FAXC: variants seen among roughly 807,000 people sequenced by gnomAD.
The protein encoded by FAXC is failed axon connections homolog.
FAXC carries 10 observed loss-of-function variants against 41.9 expected under a neutral mutation model. The observed-to-expected ratio is 0.24, with a 90% CI of 0.15 to 0.41. The LOEUF (loss-of-function observed/expected upper bound fraction) is 0.41, where lower values mean the gene tolerates loss of function less well. Among genes scored for constraint, FAXC ranks in the 10% least tolerant of loss-of-function variants. The pLI is 1.00. For synonymous variants in FAXC, 183 were observed against 183.8 expected (o/e 1.00, Z 0.03); for missense variants, 399 against 510.9 (o/e 0.78, Z 2.11).
chr6:99,275,078 A>C lies in FAXC; in HGVS notation c.*6086T>G, dbSNP rs1032018636. ...GGTAACTAAAAACAAAAAAGGTATT[A>C]AATAAGGAAAAAAGCTTAAGCATTA... is the stretch of plus-strand genomic sequence containing the variant. On this transcript the variant is annotated 3_prime_UTR_variant, in exon 6 of 6. Transcript: ENST00000389677. 4 of 152,228 alleles carry C rather than the reference A, an allele frequency of 2.6e-5. No homozygotes were observed. The highest frequency in any genetic ancestry group is 4.4e-5 in the Non-Finnish European group (3 of 68,040). The allele number at this position is 152,228 out of a possible 1,614,324, so 9.4% of individuals were successfully genotyped here. A position where few individuals can be genotyped will look rare whatever the true frequency, so the allele number is the denominator to read the frequency against.
chr6:99,313,516 AT>A (rs1562168099), intron 4 of FAXC, among the ~76,000 whole-genome samples: 2 of 152,006 alleles, frequency 1.3e-5, no homozygotes, highest in African/African-American at 2.4e-5. Flanking sequence ...AAATATGGCA[AT>A]TTTTTTATAT....
rs140906138 is a variant in FAXC at position 99,288,887 on chromosome 6, G to C, written c.940+2817C>G. Among the ~76,000 whole-genome samples the C allele has an allele frequency of 1.5e-3, 32 of 20,950 alleles. 1 individual carries two copies. Among genetic ancestry groups the C allele is most frequent in the East Asian group, 3.8e-3 (3 of 790 alleles). 13.7% of individuals were successfully genotyped at this position (20,950 alleles called of 152,430 possible). A position where few individuals can be genotyped will look rare whatever the true frequency, so the allele number is the denominator to read the frequency against. ...ACACACACACACACACACACACACA[G>C]AGCTGCAGGCTCCACCACTTCCCCA... On this transcript the variant is annotated intron_variant, in intron 5 of 5. Transcript: ENST00000389677.
rs1582604578 is a variant in FAXC, at chr6:99,278,534, A to G, written c.*2630T>C. ...TTCCTATAATTAGCACCTGTTCATG[A>G]AATTGGAGAACATTTCAAATCTGGG... On this transcript the variant is annotated 3_prime_UTR_variant, in exon 6 of 6. Transcript: ENST00000389677. The G allele has an allele frequency of 6.6e-6, 1 of 152,340 alleles. No homozygotes were observed. The highest frequency in any genetic ancestry group is 1.9e-4 in the East Asian group (1 of 5,182). 9.4% of individuals were successfully genotyped at this position (152,340 alleles called of 1,614,324 possible). A position where few individuals can be genotyped will look rare whatever the true frequency, so the allele number is the denominator to read the frequency against.
chr6:99,292,586 G>A (rs1582625875), intron 4 of FAXC, among the ~76,000 whole-genome samples: 1 of 152,208 alleles, frequency 6.6e-6, no homozygotes, highest in Non-Finnish European at 1.5e-5. Flanking sequence ...AGGGGAGATG[G>A]AGCTGCCTAG....
intron 1 of FAXC, 29 bp downstream of exon 1, chr6:99,349,078 C>G: frequency 6.2e-7 from 1 of 1,607,698 alleles, no homozygotes; most frequent in Non-Finnish European, 8.5e-7. Flanking sequence ...CTCTCTGCGC[C>G]CCTGTGCGGG....
chr6:99,288,341 A>T (rs1014178422), intron 5 of FAXC, among the ~76,000 whole-genome samples: 4 of 152,068 alleles, frequency 2.6e-5, no homozygotes, highest in African/African-American at 9.7e-5. Context: ...TGTACAAGTG[A>T]GTGTGTGGGG....
chr6:99,349,091 CCT>C lies in FAXC; in HGVS notation c.266+14_266+15del. On this transcript the variant is annotated intron_variant, in intron 1 of 5. Coordinates refer to ENST00000389677, the MANE Select transcript of FAXC (RefSeq NM_032511.4). ...CCCTCTCTGCGCCCCTGTGCGGGGCCCTCTCTCCGGCTCACCTAATGACCAGG... is the reference window on the plus strand; with the variant it reads ...CCCTCTCTGCGCCCCTGTGCGGGGCCCTCTCCGGCTCACCTAATGACCAGG... 1 of 1,612,186 alleles carries C rather than the reference CCT, an allele frequency of 6.2e-7. No homozygotes were observed. The highest frequency in any genetic ancestry group is 2.2e-5 in the East Asian group (1 of 44,838).
intron 5 of FAXC, among the ~76,000 whole-genome samples, chr6:99,291,097 A>G (rs1771221645): frequency 6.6e-6 from 1 of 152,220 alleles, no homozygotes; most frequent in Non-Finnish European, 1.5e-5. Flanking sequence ...GACGTGAGCC[A>G]CTGCATCCGG....
chr6:99,316,344 C>A (rs1042916398), intron 4 of FAXC, among the ~76,000 whole-genome samples: 1 of 152,186 alleles, frequency 6.6e-6, no homozygotes, highest in African/African-American at 2.4e-5. Context: ...GCACACTCCC[C>A]AGAGGGTAGC....
chr6:99,324,252 T>C (rs1348608221), intron 3 of FAXC, among the ~76,000 whole-genome samples: 2 of 151,728 alleles, frequency 1.3e-5, no homozygotes, highest in Admixed American at 1.3e-4. Flanking sequence ...TAAAAAAAGA[T>C]ACAGGGTCTT....
At chr6:99,339,085 C>G (rs1479918608) in intron 2 of FAXC, among the ~76,000 whole-genome samples, 1 of 152,224 alleles carries the variant, frequency 6.6e-6, no homozygotes, top group Non-Finnish European at 1.5e-5. Context: ...CTCTTCTCTA[C>G]AGAAGCTATC....
upstream of FAXC, chr6:99,349,746 C>T (rs1018831540): frequency 6.6e-6 from 1 of 152,032 alleles, no homozygotes; most frequent in African/African-American, 2.4e-5. Flanking sequence ...GCCCTGCCCC[C>T]TCCCCGCATC....
chr6:99,341,214 G>A (rs1481552715), intron 2 of FAXC, among the ~76,000 whole-genome samples: 1 of 151,202 alleles, frequency 6.6e-6, no homozygotes, highest in Non-Finnish European at 1.5e-5. Flanking sequence ...TAGAAAGCAG[G>A]AAATGAGAAG....
chr6:99,349,510 C>A lies in FAXC; in HGVS notation c.-138G>T. 1 of 533,668 alleles carries A rather than the reference C, an allele frequency of 1.9e-6. No individual in the cohort carries two copies. The highest frequency in any genetic ancestry group is 2.4e-6 in the Non-Finnish European group (1 of 419,960). The allele number at this position is 533,668 out of a possible 1,614,324, so 33.1% of individuals were successfully genotyped here. ...GCGGCGGCGACTGAGGAGGCGGCGG[C>A]GACTGAGGAGGCGGCGGCAGAGGAG... On this transcript the variant is annotated 5_prime_UTR_variant, in exon 1 of 6. Coordinates refer to ENST00000389677, the MANE Select transcript of FAXC (RefSeq NM_032511.4).
At position 99,277,213 on chromosome 6, in the gene FAXC, G is replaced by C. The variant is rs1770659990; in HGVS notation, c.*3951C>G. 6.6e-6 allele frequency: 1 copy of C among 152,310 alleles called. No homozygotes were observed. Among genetic ancestry groups the C allele is most frequent in the Admixed American group, 6.5e-5 (1 of 15,270 alleles). 9.4% of individuals were successfully genotyped at this position (152,310 alleles called of 1,614,324 possible). ...AAGGTGAACAAAGGTGAAAACACCA[G>C]ACCCTAAGGAGTAGCCCCTCACCCT... is the stretch of plus-strand genomic sequence containing the variant. On this transcript the variant is annotated 3_prime_UTR_variant, in exon 6 of 6. Coordinates refer to ENST00000389677, the MANE Select transcript of FAXC (RefSeq NM_032511.4).
intron 4 of FAXC, among the ~76,000 whole-genome samples, chr6:99,300,541 A>G (rs1233034387): frequency 1.3e-5 from 2 of 152,210 alleles, no homozygotes; most frequent in Non-Finnish European, 1.5e-5. Context: ...CTGCTACAAT[A>G]TTGTTGCTTC....
intron 5 of FAXC, among the ~76,000 whole-genome samples, 158 bp downstream of exon 5, chr6:99,291,546 G>A (rs575930499): frequency 6.6e-6 from 1 of 152,348 alleles, no homozygotes; most frequent in African/African-American, 2.4e-5. Flanking sequence ...AAAGTATCCT[G>A]AGTACAGAGA....
chr6:99,337,585 T>C (rs765120855), intron 2 of FAXC, among the ~76,000 whole-genome samples: 1 of 152,202 alleles, frequency 6.6e-6, no homozygotes, highest in Non-Finnish European at 1.5e-5. Flanking sequence ...AAGGACCATA[T>C]ATCATCTACA....
intron 4 of FAXC, among the ~76,000 whole-genome samples, chr6:99,296,264 C>T (rs1771492755): frequency 8.1e-6 from 1 of 123,804 alleles, no homozygotes; most frequent in African/African-American, 3.3e-5. Flanking sequence ...GCAAAGTGGC[C>T]CTGGATCTCA....
Sources: gnomAD v4.1 joint callset for allele counts (sites outside exome capture counted in the v4.1 genomes callset) on GRCh38, gnomAD v4.1.1 for gene constraint, MANE v1.5 for transcripts, NCBI Gene and HGNC (gene_info 2026-07-23, HGNC 2026-07-21) for gene names.